The following POTEE variants were observed in gnomAD, a reference collection of about 807,000 sequenced individuals.
The protein encoded by POTEE is ANKRD26-like family C member 1A.
A neutral mutation model predicts 74.2 loss-of-function variants in POTEE; 21 were observed. The ratio of observed to expected loss-of-function variants is 0.28; its 90% CI spans 0.20 to 0.41. The LOEUF (loss-of-function observed/expected upper bound fraction) is 0.41, where lower values mean the gene tolerates loss of function less well. POTEE is among the 10% of genes least tolerant of loss of function. The pLI is 1.00. For missense variants in POTEE, 525 were observed against 1,158.6 expected, an observed-to-expected ratio of 0.45 and a Z score of 7.94; for synonymous variants, 211 against 432.8, an observed-to-expected ratio of 0.49 and a Z score of 6.36.
At chr2:131,263,310 G>C in intron 17 of POTEE, 45 bp from the exon 18 acceptor site, 2 of 1,576,828 alleles carry the variant, frequency 1.3e-6, no homozygotes, top group South Asian at 1.2e-5. Context: ...ATCATGATAT[G>C]TCAATCTATT....
At chr2:131,216,406 T>A (rs1163242896) in intron 2 of POTEE, among the ~76,000 whole-genome samples, 7 of 152,140 alleles carry the variant, frequency 4.6e-5, no homozygotes, top group Non-Finnish European at 7.3e-5. Context: ...AGAACAAACC[T>A]GGAGGCATCA....
intron 4 of POTEE, among the ~76,000 whole-genome samples, chr2:131,221,571 C>T (rs1027934091): frequency 1.3e-5 from 2 of 152,068 alleles, no homozygotes; most frequent in African/African-American, 4.8e-5. Flanking sequence ...TGCATAGATG[C>T]AAATAATTTG....
intron 2 of POTEE, among the ~76,000 whole-genome samples, chr2:131,213,861 A>C (rs1235477960): frequency 6.6e-6 from 1 of 152,144 alleles, no homozygotes; most frequent in South Asian, 2.1e-4. Context: ...ATGAGCTACC[A>C]TACAGGTGCA....
rs1364534760 is a variant in POTEE at position 131,218,194 on chromosome 2, G to A, written c.-93-116G>A. On this transcript the variant is annotated intron_variant, in intron 3 of 17. Transcript: ENST00000683005. ...GGGGTGGGCGTGGGGTCGCCCAGGGGGGGCGTGGGCTTTCCTCGGGTGGGT... is the reference window on the plus strand; with the variant it reads ...GGGGTGGGCGTGGGGTCGCCCAGGGAGGGCGTGGGCTTTCCTCGGGTGGGT... The A allele has an allele frequency of 1.1e-5, 10 of 941,998 alleles. No individual in the cohort carries two copies. The East Asian group carries it at 1.9e-4, about 18-fold the overall frequency. 58.4% of individuals were successfully genotyped at this position (941,998 alleles called of 1,614,324 possible).
chr2:131,213,167 G>A (rs1700391694), intron 2 of POTEE, among the ~76,000 whole-genome samples: 1 of 152,100 alleles, frequency 6.6e-6, no homozygotes, highest in African/African-American at 2.4e-5. Flanking sequence ...CACCATGTTG[G>A]CCAGGCTGGC....
chr2:131,227,263 C>T (rs2105083379), intron 7 of POTEE, among the ~76,000 whole-genome samples: 1 of 149,084 alleles, frequency 6.7e-6, no homozygotes, highest in Middle Eastern at 3.4e-3. Context: ...AACTTCTTAA[C>T]CCTTTCTAAT....
At chr2:131,224,328 G>A (rs1169057199) in intron 6 of POTEE, among the ~76,000 whole-genome samples, 45 of 146,406 alleles carry the variant, frequency 3.1e-4, no homozygotes, top group Admixed American at 4.1e-4. Context: ...TCCCTCCTAG[G>A]ATGTTTTTTC....
At chr2:131,210,130 G>A (rs1195171344) in intron 1 of POTEE, among the ~76,000 whole-genome samples, 1 of 146,528 alleles carries the variant, frequency 6.8e-6, no homozygotes. Flanking sequence ...TGGTTATTTG[G>A]AGCTACAATG....
rs1431505855 is a variant in POTEE at position 131,226,938 on chromosome 2, C to A, written c.917+9C>A. The A allele has an allele frequency of 1.2e-6, 2 of 1,603,306 alleles. No individual in the cohort carries two copies. Among genetic ancestry groups the A allele is most frequent in the Admixed American group, 3.4e-5 (2 of 59,624 alleles). On this transcript the variant is annotated intron_variant, in intron 7 of 17. Transcript: ENST00000683005. ...CTGGATAGATATGGAAGGTATAGTTCTTTCTTTTAATCTGTGTGTTCTAGA... is the reference window on the plus strand; with the variant it reads ...CTGGATAGATATGGAAGGTATAGTTATTTCTTTTAATCTGTGTGTTCTAGA...
intron 4 of POTEE, among the ~76,000 whole-genome samples, chr2:131,220,779 G>A (rs2105070469): frequency 6.6e-6 from 1 of 151,914 alleles, no homozygotes; most frequent in East Asian, 2.0e-4. Flanking sequence ...GGCCAGTGTG[G>A]TGAAATCCCA....
intron 1 of POTEE, among the ~76,000 whole-genome samples, 118 bp downstream of exon 1, chr2:131,209,937 A>T (rs1700320116): frequency 8.3e-6 from 1 of 121,072 alleles, no homozygotes; most frequent in African/African-American, 3.1e-5. Flanking sequence ...GCACTCTCCG[A>T]GGTTGCATTG....
intron 2 of POTEE, among the ~76,000 whole-genome samples, chr2:131,214,738 T>G (rs1183590075): frequency 3.9e-5 from 6 of 152,296 alleles, no homozygotes; most frequent in Non-Finnish European, 8.8e-5. Flanking sequence ...TGGTCTAATT[T>G]AAGTCAGAGG....
rs781300743 is a variant in POTEE, at chr2:131,263,338, T to G, written c.1900-17T>G. ...AATCTATTGAGTGCTAACTAAAAGTTCTCTTTGTTTACTTAGCTTTCTCTT... is the reference window on the plus strand; with the variant it reads ...AATCTATTGAGTGCTAACTAAAAGTGCTCTTTGTTTACTTAGCTTTCTCTT... On this transcript the variant is annotated splice_polypyrimidine_tract_variant and intron_variant, in intron 17 of 17. Coordinates refer to ENST00000683005, the MANE Select transcript of POTEE (RefSeq NM_001083538.3). The G allele has an allele frequency of 2.8e-5, 45 of 1,607,208 alleles. No homozygotes were observed. Among genetic ancestry groups the G allele is most frequent in the Non-Finnish European group, 1.6e-5 (19 of 1,178,170 alleles).
At chr2:131,229,878 G>A (rs1049953463) in intron 8 of POTEE, among the ~76,000 whole-genome samples, 10 of 151,954 alleles carry the variant, frequency 6.6e-5, no homozygotes, top group East Asian at 1.9e-4. Flanking sequence ...TAACATGTTC[G>A]GTGCAAAATA....
In POTEE at chr2:131,218,378, G is replaced by C. The variant is rs777574165; in HGVS notation, c.-25G>C. On this transcript the variant is annotated 5_prime_UTR_variant, in exon 4 of 18. Coordinates refer to ENST00000683005, the MANE Select transcript of POTEE (RefSeq NM_001083538.3). ...TAGACGCGATCTGTTGGCTACTACT[G>C]GCTTCTCCTGGCTGTTAAAAGCAGA... 6.2e-7 allele frequency: 1 copy of C among 1,611,690 alleles called. No individual in the cohort carries two copies. Among genetic ancestry groups the C allele is most frequent in the African/African-American group, 1.3e-5 (1 of 74,708 alleles).
Position 131,263,935 on chromosome 2 carries a change from T to A in POTEE, c.2480T>A (p.Phe827Tyr), listed in dbSNP as rs1247044120. 1 of 1,614,000 alleles carries A rather than the reference T, an allele frequency of 6.2e-7. No individual in the cohort carries two copies. The highest frequency in any genetic ancestry group is 8.5e-7 in the Non-Finnish European group (1 of 1,180,004). ...EKMTQIMFET[F>Y]NTPAMYVAIQ... Reference sequence around the variant, plus strand: ...ATGACCCAGATCATGTTTGAGACCTTCAACACCCCAGCCATGTACGTGGCC... The same window carrying A: ...ATGACCCAGATCATGTTTGAGACCTACAACACCCCAGCCATGTACGTGGCC... Residue 827 changes from phenylalanine to tyrosine, a missense_variant, in exon 18 of 18, where the codon TTC becomes TAC. Transcript: ENST00000683005.
At chr2:131,214,520 C>A (rs1457605950) in intron 2 of POTEE, among the ~76,000 whole-genome samples, 4 of 152,230 alleles carry the variant, frequency 2.6e-5, no homozygotes, top group Non-Finnish European at 5.9e-5. Context: ...AACTGAACAA[C>A]TGCTAGATCT....
In POTEE at chr2:131,263,857, A is replaced by C; in HGVS notation, c.2402A>C (p.His801Pro). The C allele has an allele frequency of 6.2e-7, 1 of 1,614,128 alleles. No homozygotes were observed. The highest frequency in any genetic ancestry group is 8.5e-7 in the Non-Finnish European group (1 of 1,180,022). Residue 801 changes from histidine (H) to proline (P), a missense_variant, in exon 18 of 18, where the codon CAC becomes CCC. His to Pro is a moderately conservative substitution (Grantham distance 77, BLOSUM62 -2). Transcript: ENST00000683005. ...GAGCTGCGTGTGGCTCCCGAGGAGC[A>C]CCCCATCCTGCTGACCGAGGCCCCC... ...YNELRVAPEE[H>P]PILLTEAPLN...
intron 9 of POTEE, among the ~76,000 whole-genome samples, chr2:131,235,422 G>A (rs1701097394): frequency 1.3e-5 from 2 of 151,994 alleles, no homozygotes; most frequent in Non-Finnish European, 2.9e-5. Context: ...TACTAAGGCA[G>A]CCTCAAGGAA....
Sources: allele counts gnomAD v4.1 joint callset (sites outside exome capture counted in the v4.1 genomes callset), GRCh38; gene constraint gnomAD v4.1.1; transcripts MANE v1.5; gene names NCBI Gene and HGNC (gene_info 2026-07-23, HGNC 2026-07-21).